The following EXOG variants were observed in gnomAD, a reference collection of about 807,000 sequenced individuals.
EXOG encodes the protein nuclease EXOG, mitochondrial.
A neutral mutation model predicts 25.8 loss-of-function variants in EXOG; 27 were observed. The observed-to-expected ratio is 1.05, with a 90% CI of 0.77 to 1.45. The LOEUF (loss-of-function observed/expected upper bound fraction) is 1.45. Among genes scored for constraint, EXOG ranks in the 40% most tolerant of loss-of-function variants. The pLI, the probability that EXOG is intolerant of heterozygous loss-of-function variation, is 0.00. For synonymous variants in EXOG, 133 were observed against 167.0 expected (o/e 0.80, Z 1.57); for missense variants, 458 against 450.5 (o/e 1.02, Z -0.15).
chr3:38,509,073 T>G (rs770840235), intron 5 of EXOG, among the ~76,000 whole-genome samples: 4 of 152,208 alleles, frequency 2.6e-5, no homozygotes, highest in Non-Finnish European at 5.9e-5. Context: ...TTTTAGTATA[T>G]TTTATAGTCT....
chr3:38,501,453 C>G lies in EXOG; in HGVS notation c.412C>G (p.Arg138Gly). The G allele has an allele frequency of 1.1e-5, 17 of 1,613,806 alleles. No homozygotes were observed. Among genetic ancestry groups the G allele is most frequent in the Non-Finnish European group, 1.4e-5 (17 of 1,179,834 alleles). The change falls in exon 3 of 6, where the codon CGA becomes GGA. Residue 138 changes from arginine to glycine, a missense_variant. Physicochemically the swap from Arg to Gly is moderately radical, Grantham distance 125. Coordinates refer to ENST00000287675, the MANE Select transcript of EXOG (RefSeq NM_005107.4). ...NEDYVGSGWS[R>G]GHMAPAGNNK... The stretch of plus-strand genomic sequence containing the variant: ...AGATTATGTTGGAAGTGGGTGGTCA[C>G]GAGGACACATGGCTCCAGCAGGAAA...
intron 5 of EXOG, among the ~76,000 whole-genome samples, chr3:38,514,718 C>T (rs2060477645): frequency 6.6e-6 from 1 of 151,536 alleles, no homozygotes; most frequent in Admixed American, 6.6e-5. Context: ...CCTTAAATTC[C>T]TCTTTCCCCT....
chr3:38,518,842 G>C (rs1303497491), intron 5 of EXOG, among the ~76,000 whole-genome samples: 1 of 152,076 alleles, frequency 6.6e-6, no homozygotes, highest in Non-Finnish European at 1.5e-5. Context: ...GAAAATCAAG[G>C]CTTTAAGGAT....
intron 5 of EXOG, among the ~76,000 whole-genome samples, chr3:38,509,392 CAAATGCCGTAGTGGA>C (rs1477717172): frequency 6.6e-6 from 1 of 152,098 alleles, no homozygotes; most frequent in Non-Finnish European, 1.5e-5. Flanking sequence ...ATGTGTTGCC[CAAATGCCGTAGTGGA>C]AAATGTATTG....
At chr3:38,515,576 G>T in intron 5 of EXOG, 1 of 189,382 alleles carries the variant, frequency 5.3e-6, no homozygotes. Flanking sequence ...CTGTGGCTGC[G>T]GTTCTCCTCA....
intron 5 of EXOG, chr3:38,515,440 A>T: frequency 6.2e-6 from 1 of 160,744 alleles, no homozygotes; most frequent in Non-Finnish European, 1.4e-5. Context: ...CCTCGAGGCC[A>T]GTCACTAAAA....
chr3:38,521,810 T>C (rs2060723780), intron 5 of EXOG, among the ~76,000 whole-genome samples: 1 of 152,218 alleles, frequency 6.6e-6, no homozygotes, highest in South Asian at 2.1e-4. Context: ...GTTCCCACTC[T>C]AGGTGGTAAG....
chr3:38,514,508 C>A (rs1373202917), intron 5 of EXOG, among the ~76,000 whole-genome samples: 2 of 152,048 alleles, frequency 1.3e-5, no homozygotes, highest in Non-Finnish European at 2.9e-5. Context: ...GAAGATCCAG[C>A]GAAAGAGTCA....
intron 5 of EXOG, among the ~76,000 whole-genome samples, chr3:38,508,078 C>T (rs752759393): frequency 6.6e-6 from 1 of 152,130 alleles, no homozygotes; most frequent in Non-Finnish European, 1.5e-5. Flanking sequence ...TTGCACTGAG[C>T]CGAGATCGCA....
At chr3:38,506,012 G>C (rs1172799298) in intron 4 of EXOG, among the ~76,000 whole-genome samples, 2 of 149,198 alleles carry the variant, frequency 1.3e-5, no homozygotes, top group East Asian at 3.9e-4. Flanking sequence ...GTATATGAAA[G>C]TACATATTAC....
intron 2 of EXOG, 103 bp downstream of exon 2, chr3:38,497,881 T>G: frequency 7.4e-7 from 1 of 1,356,380 alleles, no homozygotes; most frequent in Non-Finnish European, 1.0e-6. Context: ...TTTCATATCA[T>G]AGCACATGTA....
chr3:38,497,373 A>T, intron 1 of EXOG: 3 of 1,227,494 alleles, frequency 2.4e-6, no homozygotes, highest in Non-Finnish European at 3.0e-6. Context: ...TCAAGTCTTT[A>T]TTCAAAAGTT....
chr3:38,501,539 A>G (rs777179803), intron 3 of EXOG, 45 bp downstream of exon 3: 18 of 1,575,158 alleles, frequency 1.1e-5, no homozygotes, highest in Non-Finnish European at 1.6e-5. Flanking sequence ...GGCTGATGTT[A>G]TGCATACAAC....
At chr3:38,514,809 C>G (rs1336457414) in intron 5 of EXOG, among the ~76,000 whole-genome samples, 1 of 108,120 alleles carries the variant, frequency 9.2e-6, no homozygotes, top group Non-Finnish European at 1.7e-5. Flanking sequence ...TTTACGGTGT[C>G]CCCCAGGCTG....
Position 38,496,562 on chromosome 3 carries a change from G to C in EXOG, c.163+32G>C, listed in dbSNP as rs571342831. 8.4e-5 allele frequency: 134 copies of C among 1,592,036 alleles called. No individual in the cohort carries two copies. The African/African-American group carries it at 1.6e-3, about 19-fold the overall frequency. ...CTGTGGGCCCGTCCTCCCTTCGCTGGCCCAGATTTCGGGCTCCGACTCCTA... is the reference window on the plus strand; with the variant it reads ...CTGTGGGCCCGTCCTCCCTTCGCTGCCCCAGATTTCGGGCTCCGACTCCTA... On this transcript the variant is annotated intron_variant, in intron 1 of 5. Coordinates refer to ENST00000287675, the MANE Select transcript of EXOG (RefSeq NM_005107.4).
chr3:38,511,866 G>A (rs1575645422), intron 5 of EXOG, among the ~76,000 whole-genome samples: 1 of 152,118 alleles, frequency 6.6e-6, no homozygotes, highest in African/African-American at 2.4e-5. Context: ...TCGTTAGCTT[G>A]GTAGTTAGCA....
At position 38,525,593 on chromosome 3, in the gene EXOG, A is replaced by C; in HGVS notation, c.*1231A>C. ...TCTTTTAGTGACCAGATACTGCCAA[A>C]TTGATGTGTTCTTGCTTTCCAGGTG... On this transcript the variant is annotated 3_prime_UTR_variant, in exon 6 of 6. Transcript: ENST00000287675. 1.0e-6 allele frequency: 1 copy of C among 985,350 alleles called. No homozygotes were observed. Among genetic ancestry groups the C allele is most frequent in the Non-Finnish European group, 1.2e-6 (1 of 829,910 alleles). 61.0% of individuals were successfully genotyped at this position (985,350 alleles called of 1,614,324 possible).
At chr3:38,515,491 A>T in intron 5 of EXOG, 1 of 169,350 alleles carries the variant, frequency 5.9e-6, no homozygotes, top group East Asian at 1.6e-4. Flanking sequence ...CCAGGGCTCC[A>T]GGGGGGAAAA....
intron 5 of EXOG, chr3:38,513,644 A>G (rs568421302): frequency 2.0e-5 from 3 of 152,162 alleles, no homozygotes; most frequent in Non-Finnish European, 4.4e-5. Context: ...GTGAAAATAT[A>G]TTCTTGGAGC....
Sources: allele counts gnomAD v4.1 joint callset (sites outside exome capture counted in the v4.1 genomes callset), GRCh38; gene constraint gnomAD v4.1.1; transcripts MANE v1.5; gene names NCBI Gene and HGNC (gene_info 2026-07-23, HGNC 2026-07-21).